Variants in GLIS3 observed in about 807,000 individuals in gnomAD.
GLIS3 encodes zinc finger protein GLIS3.
A neutral mutation model predicts 78.6 loss-of-function variants in GLIS3; 53 were observed. The ratio of observed to expected loss-of-function variants is 0.67; its 90% CI spans 0.54 to 0.85. The LOEUF is 0.85. Among genes scored for constraint, GLIS3 ranks in the 40% least tolerant of loss-of-function variants. The probability of loss-of-function intolerance (pLI) is 0.00; values close to 1 mark genes in which losing one functional copy is unlikely to be tolerated. For synonymous variants in GLIS3, 684 were observed against 509.9 expected (o/e 1.34, Z -4.60); for missense variants, 1,703 against 1,231.1 (o/e 1.38, Z -5.74).
chr9:3,908,630 G>C (rs1050103969), intron 6 of GLIS3, among the ~76,000 whole-genome samples: 3 of 151,146 alleles, frequency 2.0e-5, no homozygotes, highest in African/African-American at 4.9e-5. Context: ...GCCGAAATTT[G>C]AGCTGCTTCC....
At chr9:4,352,059 G>C (rs915407687), upstream of GLIS3, among the ~76,000 whole-genome samples, 1 of 152,158 alleles carries the variant, frequency 6.6e-6, no homozygotes, top group Non-Finnish European at 1.5e-5. Context: ...AAACTTCAGC[G>C]TAAGTACAAG....
the GLIS3 span, among the ~76,000 whole-genome samples, chr9:4,471,180 C>T: frequency 1.3e-5 from 2 of 152,158 alleles, no homozygotes; most frequent in African/African-American, 2.4e-5. Context: ...GCCATACTAC[C>T]CAAAGTCATT....
chr9:4,442,938 A>G, the GLIS3 span, among the ~76,000 whole-genome samples: 5 of 152,082 alleles, frequency 3.3e-5, no homozygotes, highest in African/African-American at 1.2e-4. Context: ...GTGATAATTG[A>G]GGTGTTACAA....
chr9:3,992,832 C>T (rs1820432582), intron 4 of GLIS3, among the ~76,000 whole-genome samples: 1 of 152,320 alleles, frequency 6.6e-6, no homozygotes, highest in East Asian at 1.9e-4. Flanking sequence ...ATGACCAATT[C>T]TGATAAGGTC....
At chr9:4,325,619 A>G (rs975691927) in intron 2 of GLIS3, among the ~76,000 whole-genome samples, 7 of 152,146 alleles carry the variant, frequency 4.6e-5, no homozygotes, top group East Asian at 3.8e-4. Context: ...TTTAACCTTC[A>G]TTAGCACTGG....
At chr9:4,131,604 G>T (rs185727023) in intron 2 of GLIS3, among the ~76,000 whole-genome samples, 1 of 152,170 alleles carries the variant, frequency 6.6e-6, no homozygotes, top group African/African-American at 2.4e-5. Flanking sequence ...AGATGTGACT[G>T]CTTCACCTTC....
chr9:4,447,476 A>G, the GLIS3 span, among the ~76,000 whole-genome samples: 1 of 152,096 alleles, frequency 6.6e-6, no homozygotes, highest in Non-Finnish European at 1.5e-5. Context: ...CACCCATTAT[A>G]TTCTCACAAT....
intron 2 of GLIS3, among the ~76,000 whole-genome samples, chr9:4,279,297 CAAAAAAA>C (rs56734583): frequency 1.3e-4 from 12 of 92,026 alleles, no homozygotes; most frequent in Non-Finnish European, 2.1e-4. Flanking sequence ...GACTCCATCT[CAAAAAAA>C]AAAAAAAAAA....
At chr9:4,385,216 C>G in the GLIS3 span, among the ~76,000 whole-genome samples, 8 of 152,182 alleles carry the variant, frequency 5.3e-5, no homozygotes, top group African/African-American at 1.7e-4. Context: ...TTCCCACATT[C>G]CGTTTCTTCG....
intron 1 of GLIS3, among the ~76,000 whole-genome samples, chr9:4,290,823 A>T (rs6476839): frequency 0.45 from 69,006 of 151,988 alleles, 15,846 homozygotes; most frequent in African/African-American, 0.52. Context: ...TAACCAGAGG[A>T]AAGTGCAAAC....
intron 4 of GLIS3, among the ~76,000 whole-genome samples, chr9:3,989,810 A>G (rs1820074236): frequency 6.6e-6 from 1 of 152,332 alleles, no homozygotes; most frequent in South Asian, 2.1e-4. Context: ...TAGTATCTCA[A>G]CTGTGATGGT....
chr9:4,125,891 T>G lies in GLIS3; in HGVS notation c.439A>C (p.Asn147His), dbSNP rs1289134466. ...QCKSIGKGSCNNLVVTSSPMM... is the reference protein window; with the variant it reads ...QCKSIGKGSCHNLVVTSSPMM... ...GGACTGCTGGTGACCACTAGATTGT[T>G]GCAGCTGCCTTTTCCAATGGACTTG... Residue 147 changes from asparagine to histidine, a missense_variant, in exon 3 of 11, where the codon AAC becomes CAC. Transcript: ENST00000381971. The G allele has an allele frequency of 3.7e-6, 6 of 1,614,022 alleles. No individual in the cohort carries two copies. The highest frequency in any genetic ancestry group is 1.3e-5 in the African/African-American group (1 of 74,998).
intron 2 of GLIS3, among the ~76,000 whole-genome samples, chr9:4,231,885 A>C (rs999818747): frequency 5.3e-5 from 8 of 152,220 alleles, no homozygotes; most frequent in Admixed American, 3.3e-4. Context: ...CAACAAAGCC[A>C]ATCAACAAAG....
intron 4 of GLIS3, among the ~76,000 whole-genome samples, chr9:4,010,913 G>T (rs1255758618): frequency 2.0e-5 from 3 of 152,164 alleles, no homozygotes; most frequent in Non-Finnish European, 2.9e-5. Context: ...TCACGCACTG[G>T]TATGTATGTA....
chr9:3,930,368 A>C (rs1219747408), intron 6 of GLIS3, among the ~76,000 whole-genome samples: 1 of 152,240 alleles, frequency 6.6e-6, no homozygotes, highest in Non-Finnish European at 1.5e-5. Flanking sequence ...ATGAGATTAC[A>C]ATACTGCTCC....
intron 2 of GLIS3, among the ~76,000 whole-genome samples, chr9:4,333,262 T>C (rs1388750226): frequency 2.8e-5 from 1 of 35,194 alleles, no homozygotes; most frequent in African/African-American, 8.4e-5. Context: ...GAAAGAAAAA[T>C]GGGAAGGGGA....
intron 2 of GLIS3, among the ~76,000 whole-genome samples, chr9:4,238,847 C>G (rs897301434): frequency 5.3e-5 from 8 of 152,076 alleles, no homozygotes; most frequent in African/African-American, 1.9e-4. Flanking sequence ...AAATGACCAG[C>G]AGAGAGATGG....
At chr9:4,133,547 C>A (rs1022216470) in intron 2 of GLIS3, among the ~76,000 whole-genome samples, 4 of 152,182 alleles carry the variant, frequency 2.6e-5, no homozygotes, top group Non-Finnish European at 5.9e-5. Flanking sequence ...CCTGGCTCCA[C>A]CACTGACTAG....
intron 4 of GLIS3, among the ~76,000 whole-genome samples, chr9:4,046,230 A>T (rs1825237676): frequency 3.3e-5 from 5 of 152,218 alleles, no homozygotes; most frequent in Admixed American, 3.3e-4. Flanking sequence ...CTAGTAGCTT[A>T]CCACAGGGCT....
Sources: gnomAD v4.1 joint callset for allele counts (sites outside exome capture counted in the v4.1 genomes callset) on GRCh38, gnomAD v4.1.1 for gene constraint, MANE v1.5 for transcripts, NCBI Gene and HGNC (gene_info 2026-07-23, HGNC 2026-07-21) for gene names.